PBX1: variants seen among roughly 807,000 people sequenced by gnomAD.
PBX1 encodes the protein pre-B-cell leukemia transcription factor 1.
PBX1 carries 6 observed loss-of-function variants against 53.4 expected under a neutral mutation model. The ratio of observed to expected loss-of-function variants is 0.11; its 90% CI spans 0.06 to 0.22. PBX1 has a LOEUF of 0.22. PBX1 is among the 10% of genes least tolerant of loss of function. The probability of loss-of-function intolerance (pLI) is 1.00; values close to 1 mark genes in which losing one functional copy is unlikely to be tolerated. For synonymous variants in PBX1, 204 were observed against 212.3 expected (o/e 0.96, Z 0.34); for missense variants, 251 against 551.4 (o/e 0.46, Z 5.46).
At chr1:164,568,328 C>G (rs955419607) in intron 2 of PBX1, among the ~76,000 whole-genome samples, 2 of 92,708 alleles carry the variant, frequency 2.2e-5, no homozygotes, top group Non-Finnish European at 4.0e-5. Context: ...CTTTTTATTG[C>G]TTTTCCTTTA....
chr1:164,716,729 C>CAGAG (rs1553234818), intron 2 of PBX1, among the ~76,000 whole-genome samples: 1 of 140,376 alleles, frequency 7.1e-6, no homozygotes, highest in African/African-American at 2.6e-5. Flanking sequence ...CACACACACA[C>CAGAG]AGAAATACAC....
At chr1:164,828,885 A>G (rs1670610006) in intron 8 of PBX1, 1 of 152,196 alleles carries the variant, frequency 6.6e-6, no homozygotes, top group Non-Finnish European at 1.5e-5. Context: ...CGGATAAAAT[A>G]TTAGACTTTT....
intron 6 of PBX1, chr1:164,812,861 G>A (rs957417797): frequency 6.6e-5 from 10 of 152,084 alleles, no homozygotes; most frequent in African/African-American, 2.4e-4. Context: ...AAAAAATGTA[G>A]TTAATAATGC....
chr1:164,698,800 ACT>A (rs1662937161), intron 2 of PBX1, among the ~76,000 whole-genome samples: 1 of 152,030 alleles, frequency 6.6e-6, no homozygotes, highest in South Asian at 2.1e-4. Flanking sequence ...TAACTGAGAC[ACT>A]CTCCTAAATA....
chr1:164,839,534 A>G (rs1671194245), intron 8 of PBX1, among the ~76,000 whole-genome samples: 1 of 152,166 alleles, frequency 6.6e-6, no homozygotes, highest in Admixed American at 6.5e-5. Context: ...GAAGAAACCT[A>G]CAATAAGAAA....
intron 2 of PBX1, among the ~76,000 whole-genome samples, chr1:164,675,633 A>G (rs561372406): frequency 6.6e-6 from 1 of 152,250 alleles, no homozygotes; most frequent in African/African-American, 2.4e-5. Flanking sequence ...ATGAGGGATC[A>G]TGCACTTTAC....
intron 2 of PBX1, among the ~76,000 whole-genome samples, chr1:164,614,379 C>T (rs866813134): frequency 1.6e-4 from 25 of 152,010 alleles, no homozygotes; most frequent in African/African-American, 5.8e-4. Flanking sequence ...GCTGTGCTGC[C>T]GTCTGAATTT....
intron 2 of PBX1, among the ~76,000 whole-genome samples, chr1:164,790,119 G>A (rs115421901): frequency 0.011 from 1,701 of 152,228 alleles, 34 homozygotes; most frequent in African/African-American, 0.039. Context: ...GATTCTTTTC[G>A]GTGCCTTTAG....
At chr1:164,635,511 G>A (rs530024232) in intron 2 of PBX1, among the ~76,000 whole-genome samples, 18 of 152,154 alleles carry the variant, frequency 1.2e-4, no homozygotes, top group Admixed American at 2.6e-4. Flanking sequence ...GGCGTTTGTC[G>A]GACAAAATCA....
intron 2 of PBX1, among the ~76,000 whole-genome samples, chr1:164,863,465 C>T (rs1233010529): frequency 6.6e-6 from 1 of 152,202 alleles, no homozygotes; most frequent in Admixed American, 6.5e-5. Context: ...CCAGTTCCTA[C>T]TCTCAGGGTG....
chr1:164,699,898 A>G (rs987540521), intron 2 of PBX1, among the ~76,000 whole-genome samples: 1 of 152,124 alleles, frequency 6.6e-6, no homozygotes, highest in African/African-American at 2.4e-5. Context: ...GAGTTGACAG[A>G]GCGGTTTTGT....
At chr1:164,765,054 C>T (rs1475596010) in intron 2 of PBX1, among the ~76,000 whole-genome samples, 1 of 152,146 alleles carries the variant, frequency 6.6e-6, no homozygotes, top group African/African-American at 2.4e-5. Flanking sequence ...CTTCCTCCAC[C>T]CTCACCTTTC....
chr1:164,670,565 G>A (rs1661058081), intron 2 of PBX1, among the ~76,000 whole-genome samples: 2 of 152,178 alleles, frequency 1.3e-5, no homozygotes, highest in South Asian at 2.1e-4. Flanking sequence ...GCTGACTGAA[G>A]GCCTGTGGGG....
chr1:164,766,338 C>A (rs776604436), intron 2 of PBX1, among the ~76,000 whole-genome samples: 12 of 152,172 alleles, frequency 7.9e-5, no homozygotes, highest in Non-Finnish European at 1.8e-4. Context: ...GTAACATCTG[C>A]CTGGCACTTT....
chr1:164,581,973 T>C (rs1654645790), intron 2 of PBX1, among the ~76,000 whole-genome samples: 1 of 152,210 alleles, frequency 6.6e-6, no homozygotes, highest in Non-Finnish European at 1.5e-5. Context: ...GTTATGTATC[T>C]TATTTATTTG....
intron 3 of PBX1, among the ~76,000 whole-genome samples, chr1:164,799,331 T>A (rs1005318758): frequency 6.6e-6 from 1 of 151,328 alleles, no homozygotes; most frequent in African/African-American, 2.4e-5. Flanking sequence ...TCTACTAAAA[T>A]TACAAAAAAA....
chr1:164,689,152 G>A (rs969068012), intron 2 of PBX1, among the ~76,000 whole-genome samples: 2 of 152,184 alleles, frequency 1.3e-5, no homozygotes, highest in African/African-American at 4.8e-5. Context: ...AATACATTAC[G>A]GCAAACACCT....
At chr1:164,766,329 T>C (rs968024689) in intron 2 of PBX1, among the ~76,000 whole-genome samples, 2 of 152,122 alleles carry the variant, frequency 1.3e-5, no homozygotes, top group Non-Finnish European at 2.9e-5. Context: ...TTAAGAAGAG[T>C]AACATCTGCC....
At chr1:164,621,286 C>T (rs1478352602) in intron 2 of PBX1, among the ~76,000 whole-genome samples, 2 of 152,222 alleles carry the variant, frequency 1.3e-5, no homozygotes, top group African/African-American at 4.8e-5. Flanking sequence ...CGCGCCCTTC[C>T]TCCCCTATTT....
Sources: gnomAD v4.1 joint callset for allele counts (sites outside exome capture counted in the v4.1 genomes callset) on GRCh38, gnomAD v4.1.1 for gene constraint, MANE v1.5 for transcripts, NCBI Gene and HGNC (gene_info 2026-07-23, HGNC 2026-07-21) for gene names.